The following DNAH14 variants were observed in gnomAD, a reference collection of about 807,000 sequenced individuals.
DNAH14 encodes axonemal beta dynein heavy chain 14.
In DNAH14, 478 loss-of-function variants were observed where a neutral mutation model predicts 520.9. The observed-to-expected ratio is 0.92, with a 90% CI of 0.85 to 0.99. The LOEUF is 0.99. DNAH14 is among the 50% of genes least tolerant of loss of function. DNAH14 has a pLI of 0.00. For synonymous variants in DNAH14, 1,581 were observed against 1,757.2 expected (o/e 0.90, Z 2.51); for missense variants, 4,831 against 5,234.5 (o/e 0.92, Z 2.38).
chr1:225,232,600 C>T lies in DNAH14; in HGVS notation c.6518+1449C>T, dbSNP rs2091233646. ...GCTTCAGTGACACTTGCTTTTTCTT[C>T]AGTTTCTCAAACAAGCCATGATCCT... On this transcript the variant is annotated intron_variant, in intron 42 of 85. Transcript: ENST00000682510. This position sits in a 1 kb window ranked among gnomAD's most constrained non-coding sequence, Gnocchi z 4.2. Among the ~76,000 whole-genome samples, 1 of 152,124 alleles carries T rather than the reference C, an allele frequency of 6.6e-6. No homozygotes were observed. The highest frequency in any genetic ancestry group is 2.4e-5 in the African/African-American group (1 of 41,428).
chr1:225,271,808 C>A, intron 50 of DNAH14, 98 bp from the exon 51 acceptor site: 1 of 865,944 alleles, frequency 1.2e-6, no homozygotes, highest in Non-Finnish European at 1.8e-6. Context: ...ATTAATCCTC[C>A]ATTATAGTAC....
At chr1:225,266,840 T>A in intron 49 of DNAH14, 71 bp downstream of exon 49, 1 of 1,369,258 alleles carries the variant, frequency 7.3e-7, no homozygotes, top group Non-Finnish European at 9.6e-7. Context: ...TTTATAACAA[T>A]GTTGAGTGAA....
chr1:225,031,715 C>T (rs1411022341), intron 11 of DNAH14, among the ~76,000 whole-genome samples: 2 of 152,076 alleles, frequency 1.3e-5, no homozygotes, highest in African/African-American at 2.4e-5. Flanking sequence ...TTATTTTCCT[C>T]TTGCCTTTTA....
intron 27 of DNAH14, among the ~76,000 whole-genome samples, chr1:225,132,196 T>G (rs10799293): frequency 0.13 from 19,019 of 151,820 alleles, 3,678 homozygotes; most frequent in African/African-American, 0.42. Context: ...AGTTGTTGTT[T>G]TTTTTTTCAT....
At position 225,206,125 on chromosome 1, in the gene DNAH14, C is replaced by A. The variant is rs1333137161; in HGVS notation, c.6132C>A (p.Asp2044Glu). The change falls in exon 40 of 86, where the codon GAC (aspartate) becomes GAA (glutamate). Residue 2044 changes from aspartate (D) to glutamate (E), a missense_variant. Asp to Glu is a conservative substitution (Grantham distance 45). Transcript: ENST00000682510. ...TNKIRVIFEVDNLSQASPATV... is the reference protein window; with the variant it reads ...TNKIRVIFEVENLSQASPATV... ...AAATAAGAGTGATTTTTGAAGTGGA[C>A]AATCTCTCTCAGGCCAGTCCTGCTA... 6.4e-7 allele frequency: 1 copy of A among 1,551,416 alleles called. No homozygotes were observed. The highest frequency in any genetic ancestry group is 2.4e-5 in the East Asian group (1 of 40,900).
Position 225,314,349 on chromosome 1 carries a change from C to T in DNAH14, c.9241-4234C>T, listed in dbSNP as rs144231690. On this transcript the variant is annotated intron_variant, in intron 60 of 85. Transcript: ENST00000682510. ...GTGTGTCTTTGCACGTGAGATGGGT[C>T]TCCTGAATACAGCACACCAGTGGGT... is the stretch of plus-strand genomic sequence containing the variant. Among the ~76,000 whole-genome samples, 581 of 152,290 alleles carry T rather than the reference C, an allele frequency of 3.8e-3. 17 individuals are homozygous for T. The East Asian group carries it at 0.077, about 20-fold the overall frequency.
chr1:225,110,155 T>C (rs2076375555), intron 23 of DNAH14, among the ~76,000 whole-genome samples: 1 of 152,136 alleles, frequency 6.6e-6, no homozygotes, highest in Admixed American at 6.5e-5. Flanking sequence ...TTTTTTAATG[T>C]GTCTTTGTCT....
Position 225,316,719 on chromosome 1 carries a change from C to T in DNAH14, c.9241-1864C>T, listed in dbSNP as rs374713887. Reference sequence around the variant, plus strand: ...CAGTCCCAATGAGATGAACCAGGTACCTCAGTTGGAAATGCAGAAATCACC... The same window carrying T: ...CAGTCCCAATGAGATGAACCAGGTATCTCAGTTGGAAATGCAGAAATCACC... On this transcript the variant is annotated intron_variant, in intron 60 of 85. Coordinates refer to ENST00000682510, the MANE Select transcript of DNAH14 (RefSeq NM_001367479.1). 3.2e-3 allele frequency among the ~76,000 whole-genome samples: 489 copies of T among 152,226 alleles called. 5 individuals are homozygous for T. Among genetic ancestry groups the T allele is most frequent in the South Asian group, 0.012 (58 of 4,814 alleles).
At chr1:225,293,112 C>T (rs564709935) in intron 55 of DNAH14, among the ~76,000 whole-genome samples, 3 of 152,144 alleles carry the variant, frequency 2.0e-5, no homozygotes, top group South Asian at 4.1e-4. Flanking sequence ...CAAATCAAAA[C>T]GACAATAAGA....
intron 44 of DNAH14, among the ~76,000 whole-genome samples, chr1:225,252,654 A>G (rs1247449706): frequency 6.6e-6 from 1 of 152,136 alleles, no homozygotes; most frequent in African/African-American, 2.4e-5. Flanking sequence ...TTAAATGCAC[A>G]TTGTAAAACT....
rs748294426 is a variant in DNAH14, at chr1:225,277,429, T to C, written c.8198T>C (p.Phe2733Ser). 7 of 470,416 alleles carry C rather than the reference T, an allele frequency of 1.5e-5. No individual in the cohort carries two copies. Among genetic ancestry groups the C allele is most frequent in the South Asian group, 9.3e-5 (6 of 64,374 alleles). 29.1% of individuals were successfully genotyped at this position (470,416 alleles called of 1,614,324 possible). The change falls in exon 54 of 86, where the codon TTC becomes TCC. Residue 2733 changes from phenylalanine (F) to serine (S), a missense_variant. Phe to Ser is a radical substitution (Grantham distance 155). Transcript: ENST00000682510. Reference sequence around the variant, plus strand: ...TGCTAGCTTTCTCATTCCATGGTGTTCTTCAAGGAAGCCATAGAACACATC... The same window carrying C: ...TGCTAGCTTTCTCATTCCATGGTGTCCTTCAAGGAAGCCATAGAACACATC... ...ISLELSHSMV[F>S]FKEAIEHIIR...
chr1:225,271,913 T>A lies in DNAH14; in HGVS notation c.7679T>A (p.Leu2560Ter). ...TAACATTTCTTTTTAAAGGCTCATT[T>A]GGGAATTTATTTCTCCATCAATAAC... ...DILCTIFQAHLGIYFSINNFT... is the reference protein window; with the variant it reads ...DILCTIFQAH The change falls in exon 51 of 86, where the codon TTG (leucine) becomes TAG (stop). Residue 2560 changes from leucine to a stop codon, truncating the protein, a stop_gained. Transcript: ENST00000682510. LOFTEE classifies it high-confidence loss of function. 6.5e-7 allele frequency: 1 copy of A among 1,542,906 alleles called. No homozygotes were observed. Among genetic ancestry groups the A allele is most frequent in the Non-Finnish European group, 8.7e-7 (1 of 1,144,788 alleles).
intron 64 of DNAH14, among the ~76,000 whole-genome samples, chr1:225,325,888 A>G (rs907649020): frequency 2.0e-5 from 3 of 152,056 alleles, no homozygotes; most frequent in Admixed American, 2.0e-4. Context: ...GGCAGCCCCC[A>G]CTCACTTCAA....
chr1:224,964,843 G>A (rs1423997505), intron 5 of DNAH14, among the ~76,000 whole-genome samples: 1 of 152,078 alleles, frequency 6.6e-6, no homozygotes, highest in African/African-American at 2.4e-5. Context: ...AAATGTTTAT[G>A]TCTGTCACCT....
chr1:225,119,349 T>C (rs1015844137), intron 26 of DNAH14, 55 bp downstream of exon 26: 16 of 1,196,362 alleles, frequency 1.3e-5, no homozygotes. Context: ...TACTTGCACA[T>C]ATATATATAC....
intron 84 of DNAH14, among the ~76,000 whole-genome samples, chr1:225,393,822 T>TG (rs2095959437): frequency 6.7e-6 from 1 of 148,914 alleles, no homozygotes; most frequent in African/African-American, 2.5e-5. Context: ...TTGTTTTTTT[T>TG]TTGTTTTTTT....
Position 224,950,106 on chromosome 1 carries a change from A to G in DNAH14, c.-33-2564A>G, listed in dbSNP as rs1010631959. 2.6e-5 allele frequency among the ~76,000 whole-genome samples: 4 copies of G among 152,130 alleles called. No individual in the cohort carries two copies. The South Asian group carries it at 8.3e-4, about 32-fold the overall frequency. ...ATCTTGATTTTTTTTTAGTACTTGC[A>G]CTATTACTTCAATACTCATATTTAG... On this transcript the variant is annotated intron_variant, in intron 1 of 85. Transcript: ENST00000682510.
Position 225,144,385 on chromosome 1 carries a change from T to A in DNAH14, c.4509-12T>A, listed in dbSNP as rs1573474879. On this transcript the variant is annotated splice_polypyrimidine_tract_variant and intron_variant, in intron 28 of 85. Transcript: ENST00000682510. The stretch of plus-strand genomic sequence containing the variant: ...AACCAAATAATATGAACATTTAAAA[T>A]TTGGCTTTCAGACATTTGCAATATA... 4 of 1,525,828 alleles carry A rather than the reference T, an allele frequency of 2.6e-6. No individual in the cohort carries two copies. Among genetic ancestry groups the A allele is most frequent in the Non-Finnish European group, 3.6e-6 (4 of 1,125,822 alleles). 94.5% of individuals were successfully genotyped at this position (1,525,828 alleles called of 1,614,324 possible). A position where few individuals can be genotyped will look rare whatever the true frequency, so the allele number is the denominator to read the frequency against.
Position 225,044,394 on chromosome 1 carries a change from T to G in DNAH14, c.1912+411T>G, listed in dbSNP as rs150078815. Among the ~76,000 whole-genome samples the G allele has an allele frequency of 2.6e-5, 4 of 152,294 alleles. No homozygotes were observed. In the East Asian group the frequency reaches 7.7e-4, roughly 29 times the overall value. ...CAATTACTAGCCTGACCAAAGAATT[T>G]ATTCTTTTCTCACAATAAGTTTTAC... On this transcript the variant is annotated intron_variant, in intron 15 of 85. Coordinates refer to ENST00000682510, the MANE Select transcript of DNAH14 (RefSeq NM_001367479.1).
Sources: allele counts gnomAD v4.1 joint callset (sites outside exome capture counted in the v4.1 genomes callset), GRCh38; gene constraint gnomAD v4.1.1; non-coding constraint Gnocchi (gnomAD v3.1); transcripts MANE v1.5; gene names NCBI Gene and HGNC (gene_info 2026-07-23, HGNC 2026-07-21).